The following MORC4 variants were observed in gnomAD, a reference collection of about 807,000 sequenced individuals.
MORC4 encodes MORC family CW-type zinc finger protein 4.
In MORC4, 22 loss-of-function variants were observed where a neutral mutation model predicts 65.5. The ratio of observed to expected loss-of-function variants is 0.34; its 90% CI spans 0.24 to 0.48. The LOEUF (loss-of-function observed/expected upper bound fraction) is 0.48. Ranked by LOEUF, MORC4 falls within the 20% of genes least tolerant of loss-of-function variation. MORC4 has a pLI of 0.99. For missense variants in MORC4, 624 were observed against 703.0 expected, an observed-to-expected ratio of 0.89 and a Z score of 1.27; for synonymous variants, 267 against 255.8, an observed-to-expected ratio of 1.04 and a Z score of -0.42.
intron 3 of MORC4, 70 bp downstream of exon 3, chrX:106,993,160 T>C: frequency 5.7e-6 from 6 of 1,049,303 alleles, no homozygotes; most frequent in Admixed American, 2.9e-5. Flanking sequence ...AAAATATTAA[T>C]GAAAATTATG....
intron 3 of MORC4, among the ~76,000 whole-genome samples, chrX:106,990,158 C>T (rs1181212598): frequency 1.8e-5 from 2 of 108,572 alleles, no homozygotes; most frequent in African/African-American, 6.7e-5. Flanking sequence ...CACTGCACTC[C>T]AGCCTGGCGA....
chrX:106,977,693 C>T (rs1384718569), intron 8 of MORC4, among the ~76,000 whole-genome samples: 5 of 111,207 alleles, frequency 4.5e-5, no homozygotes. Flanking sequence ...ATGGAAAATT[C>T]AGGACCCAAA....
intron 8 of MORC4, among the ~76,000 whole-genome samples, chrX:106,976,901 T>C (rs1934636223): frequency 9.0e-6 from 1 of 111,347 alleles, no homozygotes; most frequent in Admixed American, 9.6e-5. Flanking sequence ...ATTTTCAAAA[T>C]ATGATCCATA....
chrX:106,963,902 C>A (rs1275233085), intron 9 of MORC4, among the ~76,000 whole-genome samples: 24 of 106,773 alleles, frequency 2.2e-4, no homozygotes, highest in South Asian at 8.2e-4. Flanking sequence ...CAAAAAAAAA[C>A]CCAGCAAACC....
chrX:106,978,606 T>TCA (rs1178483250), intron 7 of MORC4, among the ~76,000 whole-genome samples: 9 of 107,346 alleles, frequency 8.4e-5, no homozygotes, highest in African/African-American at 2.0e-4. Context: ...TATAAAAACA[T>TCA]CACACACACA....
chrX:106,950,194 T>C (rs1933938543), intron 14 of MORC4, among the ~76,000 whole-genome samples: 1 of 112,361 alleles, frequency 8.9e-6, no homozygotes, highest in African/African-American at 3.2e-5. Context: ...TTGACTGTAT[T>C]TCCCTGATTC....
At chrX:106,982,519 C>T (rs927721103) in intron 5 of MORC4, among the ~76,000 whole-genome samples, 3 of 111,710 alleles carry the variant, frequency 2.7e-5, no homozygotes, top group African/African-American at 9.8e-5. Flanking sequence ...CTCACTACCC[C>T]ACCTGACCCC....
In MORC4 at chrX:106,942,215, C is replaced by T; in HGVS notation, c.2383G>A (p.Glu795Lys). Residue 795 changes from glutamate to lysine, a missense_variant, in exon 16 of 17, where the codon GAG becomes AAG. Transcript: ENST00000355610. Reference sequence around the variant, plus strand: ...CAGTGATTCCTCTCCTGTTCCAGCTCCTCCACCTGCAGTCCAAGAAACAGA... The same window carrying T: ...CAGTGATTCCTCTCCTGTTCCAGCTTCTCCACCTGCAGTCCAAGAAACAGA... The part of the protein sequence containing the change: ...ERNLFQQKVE[E>K]LEQERNHWQS... 5 of 1,202,041 alleles carry T rather than the reference C, an allele frequency of 4.2e-6. No individual in the cohort carries two copies. The highest frequency in any genetic ancestry group is 5.6e-6 in the Non-Finnish European group (5 of 890,204).
intron 9 of MORC4, among the ~76,000 whole-genome samples, chrX:106,967,257 T>C (rs746997441): frequency 6.3e-5 from 7 of 111,856 alleles, no homozygotes; most frequent in Non-Finnish European, 1.1e-4. Context: ...CAGAAAGGCA[T>C]AGCATCAACA....
intron 5 of MORC4, 148 bp from the exon 6 acceptor site, chrX:106,981,625 A>T (rs948126652): frequency 4.4e-5 from 20 of 457,921 alleles, no homozygotes; most frequent in Middle Eastern, 1.3e-3. Context: ...AGGAACTACA[A>T]ACTACTTGGG....
intron 2 of MORC4, among the ~76,000 whole-genome samples, chrX:106,995,797 G>T (rs893314789): frequency 3.6e-5 from 4 of 112,000 alleles, no homozygotes; most frequent in African/African-American, 1.3e-4. Context: ...CTTTGTAAGA[G>T]GCAGCAGTAT....
At position 106,941,181 on chromosome X, in the gene MORC4, C is replaced by T; in HGVS notation, c.*298G>A. 4.2e-6 allele frequency: 1 copy of T among 237,533 alleles called. No individual in the cohort carries two copies. Among genetic ancestry groups the T allele is most frequent in the Non-Finnish European group, 7.6e-6 (1 of 132,303 alleles). 19.6% of individuals were successfully genotyped at this position (237,533 alleles called of 1,213,427 possible). On this transcript the variant is annotated 3_prime_UTR_variant, in exon 17 of 17. Transcript: ENST00000355610. ...ATTTCAGAAAAAGATATACAATAGA[C>T]CACATATCCAGGTCATGAAAATTAA...
intron 2 of MORC4, among the ~76,000 whole-genome samples, chrX:106,995,501 G>A (rs1338040697): frequency 4.5e-5 from 5 of 111,958 alleles, no homozygotes; most frequent in African/African-American, 1.6e-4. Context: ...CACATAGTTT[G>A]CCTTCTGTGC....
chrX:106,952,635 A>C (rs1161345210), intron 14 of MORC4, among the ~76,000 whole-genome samples: 1 of 111,861 alleles, frequency 8.9e-6, no homozygotes, highest in Non-Finnish European at 1.9e-5. Flanking sequence ...CCCTTGCTAG[A>C]TTTGTGGGAC....
At chrX:106,992,061 G>C (rs1934994703) in intron 3 of MORC4, among the ~76,000 whole-genome samples, 1 of 111,693 alleles carries the variant, frequency 9.0e-6, no homozygotes, top group South Asian at 3.7e-4. Context: ...ATAAGTTAAA[G>C]GATTGGGCCA....
intron 10 of MORC4, among the ~76,000 whole-genome samples, chrX:106,959,206 C>A (rs2147809850): frequency 9.0e-6 from 1 of 111,468 alleles, no homozygotes; most frequent in East Asian, 2.8e-4. Flanking sequence ...AAAATGCATA[C>A]CCACTCTGAT....
intron 9 of MORC4, among the ~76,000 whole-genome samples, chrX:106,969,464 A>ATAGT (rs1476866860): frequency 8.9e-6 from 1 of 112,070 alleles, no homozygotes; most frequent in Non-Finnish European, 1.9e-5. Context: ...AAGGCAAGAA[A>ATAGT]TAACTAAGAT....
Position 106,961,568 on chromosome X carries a change from C to T in MORC4, c.1256+444G>A, listed in dbSNP as rs544678290. Among the ~76,000 whole-genome samples the T allele has an allele frequency of 6.3e-5, 7 of 111,754 alleles. No homozygotes were observed. The South Asian group carries it at 1.1e-3, about 18-fold the overall frequency. On this transcript the variant is annotated intron_variant, in intron 10 of 16. Coordinates refer to ENST00000355610, the MANE Select transcript of MORC4 (RefSeq NM_024657.5). ...CCTGTCTTACAAGAGGATTGTAAAA[C>T]GCACCAATCAGTGCTCTGTAAAACG...
chrX:106,969,698 C>T (rs1454602335), intron 9 of MORC4, among the ~76,000 whole-genome samples: 7 of 111,986 alleles, frequency 6.3e-5, no homozygotes, highest in Non-Finnish European at 1.3e-4. Context: ...ACTATAAACA[C>T]CTCTACGCAA....
Sources: allele counts gnomAD v4.1 joint callset (sites outside exome capture counted in the v4.1 genomes callset), GRCh38; gene constraint gnomAD v4.1.1; transcripts MANE v1.5; gene names NCBI Gene and HGNC (gene_info 2026-07-23, HGNC 2026-07-21).